MED12L: variants seen among roughly 807,000 people sequenced by gnomAD.
MED12L encodes mediator of RNA polymerase II transcription subunit 12-like protein.
In MED12L, 60 loss-of-function variants were observed where a neutral mutation model predicts 281.3. That is an observed-to-expected ratio of 0.21 (90% confidence interval 0.17 to 0.26). The LOEUF (loss-of-function observed/expected upper bound fraction) is 0.26, where lower values mean the gene tolerates loss of function less well. Ranked by LOEUF, MED12L falls within the 10% of genes least tolerant of loss-of-function variation. The probability of loss-of-function intolerance (pLI) is 1.00; values close to 1 mark genes in which losing one functional copy is unlikely to be tolerated. For missense variants in MED12L, 2,146 were observed against 2,680.9 expected (o/e 0.80, Z 4.41); for synonymous variants, 974 against 987.2 (o/e 0.99, Z 0.25).
At chr3:151,213,209 T>G in intron 16 of MED12L, 1 of 979,588 alleles carries the variant, frequency 1.0e-6, no homozygotes, top group South Asian at 1.7e-5. Flanking sequence ...AGATGATATT[T>G]ATGATGAGGG....
intron 5 of MED12L, among the ~76,000 whole-genome samples, chr3:151,138,256 G>T (rs1200409106): frequency 6.7e-6 from 1 of 149,660 alleles, no homozygotes; most frequent in African/African-American, 2.5e-5. Flanking sequence ...GTCCTTCATT[G>T]TGTGGATGTA....
rs769046736 is a variant in MED12L at position 151,328,024 on chromosome 3, A to G, written c.2251-22035A>G. 31 of 1,591,254 alleles carry G rather than the reference A, an allele frequency of 1.9e-5. No homozygotes were observed. The South Asian group carries it at 2.5e-4, about 13-fold the overall frequency. On this transcript the variant is annotated intron_variant, in intron 16 of 44. Coordinates refer to ENST00000687756, the MANE Select transcript of MED12L (RefSeq NM_001393769.1). Reference sequence around the variant, plus strand: ...AGGTTATGTTGTCTGTCTGACTGCTATGATTTTCTTGGCTTGATGCTGTGG... The same window carrying G: ...AGGTTATGTTGTCTGTCTGACTGCTGTGATTTTCTTGGCTTGATGCTGTGG...
chr3:151,380,496 C>T (rs1712077836), intron 32 of MED12L, among the ~76,000 whole-genome samples: 1 of 151,218 alleles, frequency 6.6e-6, no homozygotes, highest in Non-Finnish European at 1.5e-5. Context: ...ACTCGGGAGG[C>T]CAAGGCAGGA....
At position 151,413,124 on chromosome 3, in the gene MED12L, A is replaced by C; in HGVS notation, c.6141-15A>C. 6.2e-7 allele frequency: 1 copy of C among 1,606,398 alleles called. No individual in the cohort carries two copies. Among genetic ancestry groups the C allele is most frequent in the Non-Finnish European group, 8.5e-7 (1 of 1,173,806 alleles). ...TATGCTTGGGCCTGAACCAAGTTGCATTATTCTTTGCCAGACTGAACCATC... is the reference window on the plus strand; with the variant it reads ...TATGCTTGGGCCTGAACCAAGTTGCCTTATTCTTTGCCAGACTGAACCATC... On this transcript the variant is annotated splice_polypyrimidine_tract_variant and intron_variant, in intron 41 of 44. Coordinates refer to ENST00000687756, the MANE Select transcript of MED12L (RefSeq NM_001393769.1).
intron 39 of MED12L, among the ~76,000 whole-genome samples, chr3:151,396,050 C>T (rs1714923702): frequency 6.6e-6 from 1 of 152,276 alleles, no homozygotes; most frequent in South Asian, 2.1e-4. Flanking sequence ...TGACCTCTAA[C>T]AATTAATTGC....
intron 16 of MED12L, among the ~76,000 whole-genome samples, chr3:151,256,937 C>T (rs927426994): frequency 6.7e-6 from 1 of 149,174 alleles, no homozygotes; most frequent in Non-Finnish European, 1.5e-5. Flanking sequence ...TTTGCCAAAT[C>T]AAATATCACT....
intron 16 of MED12L, among the ~76,000 whole-genome samples, chr3:151,219,285 A>C (rs1347170075): frequency 6.6e-6 from 1 of 152,212 alleles, no homozygotes; most frequent in Non-Finnish European, 1.5e-5. Context: ...TAATTGATAC[A>C]AGGCTGTGCA....
At chr3:151,326,974 C>CA (rs1227675667) in intron 16 of MED12L, 1 of 152,172 alleles carries the variant, frequency 6.6e-6, no homozygotes, top group African/African-American at 2.4e-5. Flanking sequence ...TGTGGGTCAG[C>CA]AATTACGTCT....
At chr3:151,338,354 G>T (rs746084742) in intron 16 of MED12L, 1 of 1,614,130 alleles carries the variant, frequency 6.2e-7, no homozygotes, top group Non-Finnish European at 8.5e-7. Flanking sequence ...TCGGCTGCCT[G>T]TTGGTCAGAA....
At chr3:151,396,613 G>A (rs551438916) in intron 39 of MED12L, among the ~76,000 whole-genome samples, 19 of 152,214 alleles carry the variant, frequency 1.2e-4, no homozygotes, top group Non-Finnish European at 2.6e-4. Flanking sequence ...TCAACAGAGT[G>A]AGACTCCGTC....
chr3:151,099,089 C>A (rs1163340120), intron 2 of MED12L, among the ~76,000 whole-genome samples: 1 of 152,132 alleles, frequency 6.6e-6, no homozygotes, highest in Non-Finnish European at 1.5e-5. Flanking sequence ...TATCTCCCAC[C>A]AGGTCCCTCC....
intron 16 of MED12L, among the ~76,000 whole-genome samples, chr3:151,343,914 A>G (rs17282947): frequency 0.11 from 16,839 of 152,136 alleles, 1,230 homozygotes; most frequent in Middle Eastern, 0.17. Flanking sequence ...TTTTAGTTCC[A>G]GTGGTCTCTG....
chr3:151,149,524 G>A (rs1718178521), intron 5 of MED12L, among the ~76,000 whole-genome samples: 1 of 152,148 alleles, frequency 6.6e-6, no homozygotes, highest in Non-Finnish European at 1.5e-5. Flanking sequence ...CTAGCAGAAG[G>A]TCTTGCCTCA....
intron 16 of MED12L, among the ~76,000 whole-genome samples, chr3:151,210,054 AGGGT>A (rs1726916416): frequency 6.6e-6 from 1 of 152,198 alleles, no homozygotes. Flanking sequence ...TTCAACTCAT[AGGGT>A]GCTTTAGGCT....
At chr3:151,156,452 A>C (rs1719298134) in intron 6 of MED12L, 122 bp downstream of exon 6, 1 of 914,622 alleles carries the variant, frequency 1.1e-6, no homozygotes, top group East Asian at 2.7e-5. Context: ...CAAAGAAAGC[A>C]GTCTGACATT....
chr3:151,166,020 T>A, intron 11 of MED12L, 38 bp downstream of exon 11: 1 of 1,552,234 alleles, frequency 6.4e-7, no homozygotes, highest in Non-Finnish European at 8.8e-7. Flanking sequence ...ACCTTTTATT[T>A]TCATAGTGTT....
chr3:151,295,415 T>C, intron 16 of MED12L: 1 of 543,054 alleles, frequency 1.8e-6, no homozygotes, highest in Non-Finnish European at 3.2e-6. Flanking sequence ...GCCTCCCTCA[T>C]ATCAGGACCC....
At chr3:151,199,630 G>T (rs559905661) in intron 16 of MED12L, among the ~76,000 whole-genome samples, 103 of 151,314 alleles carry the variant, frequency 6.8e-4, no homozygotes, top group Admixed American at 1.5e-3. Flanking sequence ...GTCTGATTTT[G>T]TGACTTTCAG....
At chr3:151,239,213 G>T (rs1733577044) in intron 16 of MED12L, among the ~76,000 whole-genome samples, 1 of 152,134 alleles carries the variant, frequency 6.6e-6, no homozygotes. Flanking sequence ...ATAAAATTGG[G>T]CATAAGTAAA....
Sources: allele counts gnomAD v4.1 joint callset (sites outside exome capture counted in the v4.1 genomes callset), GRCh38; gene constraint gnomAD v4.1.1; transcripts MANE v1.5; gene names NCBI Gene and HGNC (gene_info 2026-07-23, HGNC 2026-07-21).